The following BCAR1 variants were observed in gnomAD, a reference collection of about 807,000 sequenced individuals.
The protein encoded by BCAR1 is breast cancer anti-estrogen resistance protein 1.
Under a neutral mutation model 67.6 loss-of-function variants are expected in BCAR1, and 30 were observed. That is an observed-to-expected ratio of 0.44 (90% confidence interval 0.33 to 0.60). BCAR1 has a LOEUF of 0.60. BCAR1 is among the 20% of genes least tolerant of loss of function. BCAR1 has a pLI of 0.02. For missense variants in BCAR1, 1,313 were observed against 1,222.3 expected, an observed-to-expected ratio of 1.07 and a Z score of -1.11; for synonymous variants, 626 against 556.7, an observed-to-expected ratio of 1.12 and a Z score of -1.75.
At chr16:75,249,511 G>C (rs2077612711) in intron 1 of BCAR1, 1 of 152,282 alleles carries the variant, frequency 6.6e-6, no homozygotes, top group African/African-American at 2.4e-5. Context: ...GGCTTGCCCA[G>C]TGTCTTTGCT....
At chr16:75,231,665 T>C (rs2151390477) in intron 6 of BCAR1, among the ~76,000 whole-genome samples, 1 of 152,332 alleles carries the variant, frequency 6.6e-6, no homozygotes, top group South Asian at 2.1e-4. Context: ...ATCTAAGTGA[T>C]TCATCAGATA....
In BCAR1 at chr16:75,237,243, T is replaced by G; in HGVS notation, c.735A>C (p.Pro245=). ...DIPRHLLAPG[P]QDIYDVPPVR... is the part of the protein sequence containing the mutation. The stretch of plus-strand genomic sequence containing the variant: ...CCGGGGGCACATCATAGATGTCCTG[T>G]GGCCCCGGGGCCAGCAGGTGTCGCG... Residue 245 remains proline, a synonymous_variant, in exon 3 of 7, where the codon CCA becomes CCC. Coordinates refer to ENST00000162330, the MANE Select transcript of BCAR1 (RefSeq NM_014567.5). 1 of 1,543,450 alleles carries G rather than the reference T, an allele frequency of 6.5e-7. No individual in the cohort carries two copies. Among genetic ancestry groups the G allele is most frequent in the East Asian group, 2.4e-5 (1 of 41,380 alleles).
chr16:75,251,261 A>C (rs2077671851), intron 1 of BCAR1, among the ~76,000 whole-genome samples: 1 of 150,416 alleles, frequency 6.6e-6, no homozygotes, highest in African/African-American at 2.4e-5. Context: ...CGGCCCCGCC[A>C]ACGCACCCGA....
intron 6 of BCAR1, among the ~76,000 whole-genome samples, chr16:75,233,620 C>G (rs1389938734): frequency 6.6e-6 from 1 of 152,190 alleles, no homozygotes; most frequent in Non-Finnish European, 1.5e-5. Context: ...ACCCCACTCT[C>G]TAATTCCCTA....
intron 1 of BCAR1, among the ~76,000 whole-genome samples, chr16:75,261,807 C>T (rs947565067): frequency 6.6e-6 from 1 of 152,344 alleles, no homozygotes; most frequent in South Asian, 2.1e-4. Context: ...GGCCAATCAG[C>T]CTGGGTCCAG....
At position 75,251,493 on chromosome 16, in the gene BCAR1, G is replaced by A. The variant is rs771700182; in HGVS notation, c.-11C>T. On this transcript the variant is annotated 5_prime_UTR_variant, in exon 1 of 7. Coordinates refer to ENST00000162330, the MANE Select transcript of BCAR1 (RefSeq NM_014567.5). ...CACCAGGTGGTTCATGGTGTCCGGC[G>A]GGCCTGGGGCCCCGGCTCTCGCGGG... is the stretch of plus-strand genomic sequence containing the variant. 105 of 1,369,142 alleles carry A rather than the reference G, an allele frequency of 7.7e-5. 1 individual carries two copies. In the South Asian group the frequency reaches 1.7e-3, roughly 22 times the overall value. The allele number at this position is 1,369,142 out of a possible 1,614,324, so 84.8% of individuals were successfully genotyped here. A position where few individuals can be genotyped will look rare whatever the true frequency, so the allele number is the denominator to read the frequency against.
rs770001056 is a variant in BCAR1, at chr16:75,242,834, T to C, written c.269A>G (p.His90Arg). 3 of 1,607,206 alleles carry C rather than the reference T, an allele frequency of 1.9e-6. No individual in the cohort carries two copies. The highest frequency in any genetic ancestry group is 1.7e-6 in the Non-Finnish European group (2 of 1,177,798). Residue 90 changes from histidine to arginine, a missense_variant, in exon 2 of 7, where the codon CAT becomes CGT. Coordinates refer to ENST00000162330, the MANE Select transcript of BCAR1 (RefSeq NM_014567.5). Reference protein sequence around the residue: ...ATPAQPQPGLHAPAPPASQYT... With the variant: ...ATPAQPQPGLRAPAPPASQYT... ...CTGGGAGGCCGGAGGCGCTGGGGCA[T>C]GGAGGCCAGGCTGAGGCTGGGCCGG... is the stretch of plus-strand genomic sequence containing the variant.
At chr16:75,233,352 G>A (rs1010767413) in intron 6 of BCAR1, among the ~76,000 whole-genome samples, 7 of 151,538 alleles carry the variant, frequency 4.6e-5, no homozygotes, top group African/African-American at 1.7e-4. Context: ...TAGCCTGTGT[G>A]ACAGAACAAG....
intron 2 of BCAR1, among the ~76,000 whole-genome samples, chr16:75,241,456 C>T (rs1040362320): frequency 6.6e-6 from 1 of 152,112 alleles, no homozygotes; most frequent in African/African-American, 2.4e-5. Flanking sequence ...CTGCCGCCTC[C>T]CCAGGGGATA....
Position 75,236,852 on chromosome 16 carries a change from G to C in BCAR1, c.912+30C>G, listed in dbSNP as rs751247689. 3 of 1,606,768 alleles carry C rather than the reference G, an allele frequency of 1.9e-6. No homozygotes were observed. The Admixed American group carries it at 5.0e-5, about 27-fold the overall frequency. On this transcript the variant is annotated intron_variant, in intron 4 of 6. Coordinates refer to ENST00000162330, the MANE Select transcript of BCAR1 (RefSeq NM_014567.5). ...CCCAGACACCCCACAGCCTCAGCCT[G>C]GCCCTGGCATTGCCCTGGCATTTGC...
chr16:75,264,082 G>A (rs1390586906), intron 1 of BCAR1: 5 of 1,243,948 alleles, frequency 4.0e-6, no homozygotes, highest in South Asian at 4.0e-5. Flanking sequence ...GGTGTGGCCA[G>A]GCTGCAGGTC....
At chr16:75,242,152 C>A (rs1476867120) in intron 2 of BCAR1, among the ~76,000 whole-genome samples, 2 of 152,218 alleles carry the variant, frequency 1.3e-5, no homozygotes, top group Non-Finnish European at 2.9e-5. Context: ...GGGGGCCCAG[C>A]AACTGCCGAC....
intron 1 of BCAR1, chr16:75,243,485 G>C (rs768358317): frequency 1.9e-6 from 1 of 537,120 alleles, no homozygotes; most frequent in Non-Finnish European, 3.6e-6. Flanking sequence ...GTTCTCTCTC[G>C]AGGTGCACGA....
chr16:75,255,312 G>T (rs958659714), upstream of BCAR1, among the ~76,000 whole-genome samples: 1 of 152,180 alleles, frequency 6.6e-6, no homozygotes, highest in Non-Finnish European at 1.5e-5. Flanking sequence ...CAGCAGGAGA[G>T]GATTTCCTGA....
chr16:75,237,715 C>T (rs2077190714), intron 2 of BCAR1, among the ~76,000 whole-genome samples: 1 of 152,192 alleles, frequency 6.6e-6, no homozygotes, highest in Admixed American at 6.5e-5. Flanking sequence ...GGCAAGGAAC[C>T]CCCCGTTACT....
upstream of BCAR1, among the ~76,000 whole-genome samples, chr16:75,253,357 A>G (rs2077714702): frequency 6.6e-6 from 1 of 152,224 alleles, no homozygotes; most frequent in Admixed American, 6.5e-5. Flanking sequence ...CCTCATGGGC[A>G]GGCAGTGCCC....
At chr16:75,240,387 T>C (rs1230339214) in intron 2 of BCAR1, among the ~76,000 whole-genome samples, 2 of 152,124 alleles carry the variant, frequency 1.3e-5, no homozygotes. Flanking sequence ...AATGAAGGCA[T>C]GAGCAATCGG....
chr16:75,239,964 G>C (rs2077282187), intron 2 of BCAR1, among the ~76,000 whole-genome samples: 1 of 152,162 alleles, frequency 6.6e-6, no homozygotes, highest in African/African-American at 2.4e-5. Context: ...TCCCACAGAC[G>C]CCTTCCCCCG....
At chr16:75,242,000 A>T (rs1404818839) in intron 2 of BCAR1, among the ~76,000 whole-genome samples, 1 of 152,196 alleles carries the variant, frequency 6.6e-6, no homozygotes, top group Non-Finnish European at 1.5e-5. Flanking sequence ...GCTGGCCCCT[A>T]GCATGTTCCA....
Sources: gnomAD v4.1 joint callset for allele counts (sites outside exome capture counted in the v4.1 genomes callset) on GRCh38, gnomAD v4.1.1 for gene constraint, MANE v1.5 for transcripts, NCBI Gene and HGNC (gene_info 2026-07-23, HGNC 2026-07-21) for gene names.